Variants in GRIK1 observed in about 807,000 individuals in gnomAD.
GRIK1 encodes glutamate ionotropic receptor kainate type subunit 1.
In GRIK1, 69 loss-of-function variants were observed where a neutral mutation model predicts 105.7. That is an observed-to-expected ratio of 0.65 (90% confidence interval 0.54 to 0.80). The LOEUF (loss-of-function observed/expected upper bound fraction) is 0.80. Among genes scored for constraint, GRIK1 ranks in the 30% least tolerant of loss-of-function variants. The probability of loss-of-function intolerance (pLI) is 0.00; values close to 1 mark genes in which losing one functional copy is unlikely to be tolerated. For missense variants in GRIK1, 1,109 were observed against 1,167.3 expected, an observed-to-expected ratio of 0.95 and a Z score of 0.73; for synonymous variants, 438 against 431.3, an observed-to-expected ratio of 1.02 and a Z score of -0.19.
intron 3 of GRIK1, among the ~76,000 whole-genome samples, chr21:29,681,166 A>C (rs559602329): frequency 6.6e-6 from 1 of 152,312 alleles, no homozygotes; most frequent in East Asian, 1.9e-4. Flanking sequence ...TAAACATAGT[A>C]CATATAGGGT....
At chr21:29,719,107 G>A (rs972706285) in intron 1 of GRIK1, among the ~76,000 whole-genome samples, 2 of 113,226 alleles carry the variant, frequency 1.8e-5, no homozygotes, top group Non-Finnish European at 3.9e-5. Context: ...TATATGATTG[G>A]TGCAAAAGTA....
At chr21:29,850,593 A>G (rs760769653) in intron 1 of GRIK1, among the ~76,000 whole-genome samples, 2 of 152,206 alleles carry the variant, frequency 1.3e-5, no homozygotes, top group African/African-American at 2.4e-5. Flanking sequence ...CAGGTTATTG[A>G]TGGAAGTAAT....
intron 1 of GRIK1, among the ~76,000 whole-genome samples, chr21:29,712,734 G>A (rs1350961923): frequency 6.6e-6 from 1 of 151,968 alleles, no homozygotes; most frequent in Non-Finnish European, 1.5e-5. Context: ...ATCTTCTTTT[G>A]CACTTATACA....
chr21:29,652,907 T>A (rs555301338), intron 5 of GRIK1, among the ~76,000 whole-genome samples: 2 of 152,248 alleles, frequency 1.3e-5, no homozygotes, highest in African/African-American at 2.4e-5. Context: ...TGATGAACTC[T>A]CTCTTTCCCA....
At chr21:29,810,893 G>A (rs2066992582) in intron 1 of GRIK1, among the ~76,000 whole-genome samples, 1 of 152,076 alleles carries the variant, frequency 6.6e-6, no homozygotes, top group African/African-American at 2.4e-5. Context: ...AAGGTGATGT[G>A]GCAGCTGGAT....
intron 1 of GRIK1, among the ~76,000 whole-genome samples, chr21:29,879,865 T>A (rs1601928594): frequency 6.6e-6 from 1 of 150,716 alleles, no homozygotes; most frequent in African/African-American, 2.5e-5. Context: ...ATTTTTTTTT[T>A]AACAAATGCT....
Position 29,727,642 on chromosome 21 carries a change from A to T in GRIK1, c.119-33579T>A, listed in dbSNP as rs139468576. On this transcript the variant is annotated intron_variant, in intron 1 of 17. Coordinates refer to ENST00000327783, the MANE Select transcript of GRIK1 (RefSeq NM_001330994.2). ...ATAATAGTTTCTATTCTCTCTTGTAAGAGGCTTGAAGTGTAAATGTCCGGA... is the reference window on the plus strand; with the variant it reads ...ATAATAGTTTCTATTCTCTCTTGTATGAGGCTTGAAGTGTAAATGTCCGGA... Among the ~76,000 whole-genome samples the T allele has an allele frequency of 6.2e-4, 94 of 152,346 alleles. No individual in the cohort carries two copies. The Middle Eastern group carries it at 0.017, about 28-fold the overall frequency.
intron 1 of GRIK1, among the ~76,000 whole-genome samples, chr21:29,754,776 T>C (rs988131874): frequency 6.6e-6 from 1 of 152,174 alleles, no homozygotes; most frequent in Non-Finnish European, 1.5e-5. Context: ...GTTGAAAGGA[T>C]GTAAAGGTAG....
At chr21:29,755,150 G>A (rs1222872256) in intron 1 of GRIK1, among the ~76,000 whole-genome samples, 1 of 152,140 alleles carries the variant, frequency 6.6e-6, no homozygotes, top group South Asian at 2.1e-4. Flanking sequence ...ACAAATATTT[G>A]TCTTCTGCTC....
intron 7 of GRIK1, among the ~76,000 whole-genome samples, chr21:29,621,685 A>C (rs1158209730): frequency 6.6e-6 from 1 of 152,122 alleles, no homozygotes; most frequent in Non-Finnish European, 1.5e-5. Context: ...TTATTACCCT[A>C]CTTCTAGGAC....
chr21:29,620,729 A>G (rs993307658), intron 7 of GRIK1, among the ~76,000 whole-genome samples: 3 of 148,104 alleles, frequency 2.0e-5, no homozygotes, highest in Non-Finnish European at 3.0e-5. Flanking sequence ...GATGTGTTTT[A>G]CCTTCTTCTC....
chr21:29,586,119 A>G (rs1297357620), intron 12 of GRIK1, among the ~76,000 whole-genome samples: 1 of 152,252 alleles, frequency 6.6e-6, no homozygotes, highest in Non-Finnish European at 1.5e-5. Context: ...AAAGGATAAT[A>G]TCACTATATA....
chr21:29,666,072 C>T (rs115058990), intron 4 of GRIK1, among the ~76,000 whole-genome samples: 2,200 of 152,188 alleles, frequency 0.014, 64 homozygotes, highest in African/African-American at 0.05. Flanking sequence ...ATATAAAAAA[C>T]CTGCACATGT....
chr21:29,707,520 T>C (rs529346302), intron 1 of GRIK1, among the ~76,000 whole-genome samples: 2 of 134,778 alleles, frequency 1.5e-5, no homozygotes, highest in South Asian at 2.6e-4. Flanking sequence ...TTTGAGACAG[T>C]GTTTCACTCA....
chr21:29,613,775 A>T (rs1033976054), intron 7 of GRIK1, among the ~76,000 whole-genome samples: 2 of 152,206 alleles, frequency 1.3e-5, no homozygotes. Flanking sequence ...GACAAACTGC[A>T]TATTTGTTTA....
chr21:29,552,358 C>G (rs1246983464), intron 16 of GRIK1, among the ~76,000 whole-genome samples: 1 of 152,080 alleles, frequency 6.6e-6, no homozygotes, highest in African/African-American at 2.4e-5. Flanking sequence ...TTCTCTGTCA[C>G]AACAAATTAA....
In GRIK1 at chr21:29,642,556, G is replaced by C. The variant is rs557808386; in HGVS notation, c.1098+270C>G. Among the ~76,000 whole-genome samples, 5 of 152,356 alleles carry C rather than the reference G, an allele frequency of 3.3e-5. No homozygotes were observed. The South Asian group carries it at 1.0e-3, about 32-fold the overall frequency. On this transcript the variant is annotated intron_variant, in intron 7 of 17. Coordinates refer to ENST00000327783, the MANE Select transcript of GRIK1 (RefSeq NM_001330994.2). ...ATGCCCTTATGGACATGTGTGGAGA[G>C]CCAGCAGGAGCTATGGCCATGGCTG... is the stretch of plus-strand genomic sequence containing the variant.
In GRIK1 at chr21:29,643,645, G is replaced by A. The variant is rs545835843; in HGVS notation, c.955-676C>T. Among the ~76,000 whole-genome samples, 64 of 152,204 alleles carry A rather than the reference G, an allele frequency of 4.2e-4. No homozygotes were observed. The South Asian group carries it at 5.6e-3, about 13-fold the overall frequency. Reference sequence around the variant, plus strand: ...TTCCTTTTAGGGGGTTGGGCATCTCGTTCTTCCCTTCCTCATGAAATTCCT... The same window carrying A: ...TTCCTTTTAGGGGGTTGGGCATCTCATTCTTCCCTTCCTCATGAAATTCCT... On this transcript the variant is annotated intron_variant, in intron 6 of 17. Coordinates refer to ENST00000327783, the MANE Select transcript of GRIK1 (RefSeq NM_001330994.2).
At chr21:29,726,398 C>A (rs1053492085) in intron 1 of GRIK1, among the ~76,000 whole-genome samples, 3 of 152,102 alleles carry the variant, frequency 2.0e-5, no homozygotes, top group Non-Finnish European at 2.9e-5. Flanking sequence ...CACACACACC[C>A]CTTCTAATTT....
Sources: allele counts gnomAD v4.1 joint callset (sites outside exome capture counted in the v4.1 genomes callset), GRCh38; gene constraint gnomAD v4.1.1; transcripts MANE v1.5; gene names NCBI Gene and HGNC (gene_info 2026-07-23, HGNC 2026-07-21).